Variants in ADAP2 observed in about 807,000 individuals in gnomAD.
ADAP2 encodes ArfGAP with dual PH domains 2.
In ADAP2, 42 loss-of-function variants were observed where a neutral mutation model predicts 54.9. The observed-to-expected ratio is 0.77, with a 90% CI of 0.60 to 0.99. The LOEUF is 0.99. Ranked by LOEUF, ADAP2 falls within the 50% of genes least tolerant of loss-of-function variation. The probability of loss-of-function intolerance (pLI) is 0.00; values close to 1 mark genes in which losing one functional copy is unlikely to be tolerated. For synonymous variants in ADAP2, 177 were observed against 180.1 expected, an observed-to-expected ratio of 0.98 and a Z score of 0.14; for missense variants, 429 against 480.4, an observed-to-expected ratio of 0.89 and a Z score of 1.00.
rs539554060 is a variant in ADAP2 at position 30,928,057 on chromosome 17, G to A, written c.317+1139G>A. ...AAAAAAGTAGCTACTGGCTGGATGC[G>A]GTGGCTCATGCCTGTAGTCCCAGCT... On this transcript the variant is annotated intron_variant, in intron 3 of 10. Transcript: ENST00000330889. 4.9e-3 allele frequency among the ~76,000 whole-genome samples: 736 copies of A among 151,678 alleles called. 5 individuals are homozygous for A. The highest frequency in any genetic ancestry group is 7.6e-3 in the Non-Finnish European group (518 of 67,924).
In ADAP2 at chr17:30,957,975, G is replaced by C; in HGVS notation, c.*106G>C. 9.2e-7 allele frequency: 1 copy of C among 1,089,978 alleles called. No individual in the cohort carries two copies. The highest frequency in any genetic ancestry group is 1.4e-6 in the Non-Finnish European group (1 of 725,540). 67.5% of individuals were successfully genotyped at this position (1,089,978 alleles called of 1,614,324 possible). On this transcript the variant is annotated 3_prime_UTR_variant, in exon 11 of 11. Coordinates refer to ENST00000330889, the MANE Select transcript of ADAP2 (RefSeq NM_018404.3). Reference sequence around the variant, plus strand: ...CACCATCAGTGCCCCGCAGTCAGCAGCCATTCCTGGCAGTGAACTCTGCCA... The same window carrying C: ...CACCATCAGTGCCCCGCAGTCAGCACCCATTCCTGGCAGTGAACTCTGCCA...
chr17:30,955,973 C>G (rs1156874387), intron 9 of ADAP2, among the ~76,000 whole-genome samples: 1 of 152,030 alleles, frequency 6.6e-6, no homozygotes, highest in Non-Finnish European at 1.5e-5. Flanking sequence ...TCTCATATTC[C>G]TGGCCTCAGG....
At chr17:30,944,886 C>T in intron 5 of ADAP2, 21 bp from the exon 6 acceptor site, 1 of 1,610,532 alleles carries the variant, frequency 6.2e-7, no homozygotes, top group South Asian at 1.1e-5. Context: ...CAGCGTCTTT[C>T]TTTCTCTTTC....
intron 2 of ADAP2, among the ~76,000 whole-genome samples, chr17:30,926,243 C>T (rs140131661): frequency 8.4e-4 from 128 of 152,362 alleles, no homozygotes; most frequent in African/African-American, 2.9e-3. Context: ...TCTGCCCTCA[C>T]CCTAGCTATG....
rs377390153 is a variant in ADAP2 at position 30,947,600 on chromosome 17, G to T, written c.658-1687G>T. ...ATTCCTGACCTCAGGTGATCCACCC[G>T]CCTCGGCCTCCCAGAGTGTTGGGAT... is the stretch of plus-strand genomic sequence containing the variant. On this transcript the variant is annotated intron_variant, in intron 6 of 10. Transcript: ENST00000330889. Among the ~76,000 whole-genome samples, 34 of 152,244 alleles carry T rather than the reference G, an allele frequency of 2.2e-4. No individual in the cohort carries two copies. The South Asian group carries it at 4.4e-3, about 19-fold the overall frequency.
rs371842736 is a variant in ADAP2, at chr17:30,923,295, C to T, written c.225+225C>T. Among the ~76,000 whole-genome samples, 46 of 146,462 alleles carry T rather than the reference C, an allele frequency of 3.1e-4. No individual in the cohort carries two copies. In the East Asian group the frequency reaches 6.9e-3, roughly 22 times the overall value. On this transcript the variant is annotated intron_variant, in intron 2 of 10. Transcript: ENST00000330889. ...TTTTTTTTTTTTTGAGACGGAGTCT[C>T]GCTGTGTTGTCCAGGCTGGAGTGCA... is the stretch of plus-strand genomic sequence containing the variant.
chr17:30,934,309 G>T lies in ADAP2; in HGVS notation c.510+12G>T. ...TCACAAAGGAACAGGTAAGATGCCA[G>T]ACCAATGAGAGCAGGTCCCTTCCTG... On this transcript the variant is annotated intron_variant, in intron 5 of 10. Coordinates refer to ENST00000330889, the MANE Select transcript of ADAP2 (RefSeq NM_018404.3). 2 of 1,582,170 alleles carry T rather than the reference G, an allele frequency of 1.3e-6. No individual in the cohort carries two copies. Among genetic ancestry groups the T allele is most frequent in the South Asian group, 2.2e-5 (2 of 90,114 alleles).
chr17:30,922,777 C>T (rs1265479846), intron 1 of ADAP2, among the ~76,000 whole-genome samples, 163 bp from the exon 2 acceptor site: 1 of 152,244 alleles, frequency 6.6e-6, no homozygotes, highest in Non-Finnish European at 1.5e-5. Flanking sequence ...TCACCCCGGT[C>T]GCCGCGCAGC....
intron 6 of ADAP2, among the ~76,000 whole-genome samples, chr17:30,946,154 C>CAAAAAAACA (rs1555568908): frequency 1.3e-5 from 2 of 150,722 alleles, no homozygotes; most frequent in African/African-American, 2.4e-5. Context: ...GACTCCACCT[C>CAAAAAAACA]AAAAAAACAA....
At chr17:30,937,705 G>A (rs1450040605) in intron 5 of ADAP2, among the ~76,000 whole-genome samples, 1 of 152,162 alleles carries the variant, frequency 6.6e-6, no homozygotes, top group Non-Finnish European at 1.5e-5. Flanking sequence ...GGAAGTAGAG[G>A]CAATAGAATT....
chr17:30,923,621 T>C (rs1046314932), intron 2 of ADAP2, among the ~76,000 whole-genome samples: 7 of 151,108 alleles, frequency 4.6e-5, no homozygotes, highest in African/African-American at 1.7e-4. Context: ...TACTTTGACC[T>C]AGCTGTGGAC....
At chr17:30,936,180 A>G (rs7209937) in intron 5 of ADAP2, among the ~76,000 whole-genome samples, 16,025 of 151,870 alleles carry the variant, frequency 0.11, 2,452 homozygotes, top group African/African-American at 0.34. Context: ...TTAGAGACAG[A>G]GTCTTCCTCT....
chr17:30,936,273 G>A (rs1234933566), intron 5 of ADAP2, among the ~76,000 whole-genome samples: 1 of 151,996 alleles, frequency 6.6e-6, no homozygotes, highest in East Asian at 1.9e-4. Context: ...TCCTGCTCCG[G>A]TCTCTCAAAG....
rs1016716497 is a variant in ADAP2, at chr17:30,934,218, G to A, written c.431G>A (p.Arg144Lys). Reference protein sequence around the residue: ...NREGFLWKRGRDNSQFLRRKF... With the variant: ...NREGFLWKRGKDNSQFLRRKF... ...GAAGGATTCCTGTGGAAGCGAGGAA[G>A]GGACAACTCACAGTTTCTGAGAAGG... The change falls in exon 5 of 11, where the codon AGG becomes AAG. Residue 144 changes from arginine (R) to lysine (K), a missense_variant. Coordinates refer to ENST00000330889, the MANE Select transcript of ADAP2 (RefSeq NM_018404.3). 1.9e-6 allele frequency: 3 copies of A among 1,614,084 alleles called. No individual in the cohort carries two copies. The highest frequency in any genetic ancestry group is 2.2e-5 in the South Asian group (2 of 91,074).
At chr17:30,941,240 G>C (rs1194013761) in intron 5 of ADAP2, among the ~76,000 whole-genome samples, 1 of 152,184 alleles carries the variant, frequency 6.6e-6, no homozygotes, top group African/African-American at 2.4e-5. Flanking sequence ...GCTATTGTTT[G>C]TGCTGTTAAT....
chr17:30,924,869 T>G (rs1910908817), intron 2 of ADAP2, among the ~76,000 whole-genome samples: 1 of 151,456 alleles, frequency 6.6e-6, no homozygotes, highest in African/African-American at 2.4e-5. Flanking sequence ...CTTTTTTGTT[T>G]TTTTTGTTTT....
intron 7 of ADAP2, among the ~76,000 whole-genome samples, chr17:30,950,247 C>T (rs745784124): frequency 6.6e-6 from 1 of 152,188 alleles, no homozygotes. Flanking sequence ...TCATGGCCAA[C>T]ATCATGGGGA....
Position 30,949,477 on chromosome 17 carries a change from G to A in ADAP2, c.741+107G>A, listed in dbSNP as rs577482952. 4.9e-5 allele frequency: 49 copies of A among 1,005,050 alleles called. No homozygotes were observed. The African/African-American group carries it at 4.9e-4, about 10-fold the overall frequency. The allele number at this position is 1,005,050 out of a possible 1,614,324, so 62.3% of individuals were successfully genotyped here. On this transcript the variant is annotated intron_variant, in intron 7 of 10. Transcript: ENST00000330889. ...CAGAAGCCAGACTAGGGCTGGGCGC[G>A]GTGGCTCACGCCTGTAATCCCAGCA... is the stretch of plus-strand genomic sequence containing the variant.
At chr17:30,938,173 A>C (rs147336834) in intron 5 of ADAP2, among the ~76,000 whole-genome samples, 3 of 152,226 alleles carry the variant, frequency 2.0e-5, no homozygotes, top group African/African-American at 7.2e-5. Flanking sequence ...CAGGAATTTG[A>C]GGAGGCCTCG....
Sources: allele counts gnomAD v4.1 joint callset (sites outside exome capture counted in the v4.1 genomes callset), GRCh38; gene constraint gnomAD v4.1.1; transcripts MANE v1.5; gene names NCBI Gene and HGNC (gene_info 2026-07-23, HGNC 2026-07-21).